The following OLFML1 variants were observed in gnomAD, a reference collection of about 807,000 sequenced individuals.
The protein encoded by OLFML1 is olfactomedin like 1, also known as olfactomedin-like protein 1.
A neutral mutation model predicts 37.3 loss-of-function variants in OLFML1; 33 were observed. The ratio of observed to expected loss-of-function variants is 0.88; its 90% CI spans 0.67 to 1.18. OLFML1 has a LOEUF of 1.18. OLFML1 is among the 50% of genes most tolerant of loss of function. OLFML1 has a pLI of 0.00. For missense variants in OLFML1, 545 were observed against 483.7 expected, an observed-to-expected ratio of 1.13 and a Z score of -1.19; for synonymous variants, 186 against 181.3, an observed-to-expected ratio of 1.03 and a Z score of -0.21.
Position 7,485,848 on chromosome 11 carries a change from G to A in OLFML1, c.-28G>A. On this transcript the variant is annotated 5_prime_UTR_variant, in exon 1 of 3. Coordinates refer to ENST00000329293, the MANE Select transcript of OLFML1 (RefSeq NM_198474.4). The stretch of plus-strand genomic sequence containing the variant: ...ATCCTTGAGAAGAGCCACAGCATAA[G>A]AGACTGCCCTGCTTGGTGTTTTGCA... 1 of 1,610,340 alleles carries A rather than the reference G, an allele frequency of 6.2e-7. No homozygotes were observed. Among genetic ancestry groups the A allele is most frequent in the Non-Finnish European group, 8.5e-7 (1 of 1,178,626 alleles).
Position 7,509,947 on chromosome 11 carries a change from T to A in OLFML1, c.968T>A (p.Leu323Ter), listed in dbSNP as rs771218342. ...CAGGATGCTGAAGCCTCATTCCTCT[T>A]GTGTGGGGTTCTCTATGTGGTCTAC... is the stretch of plus-strand genomic sequence containing the variant. ...RSQDAEASFL[L>*]CGVLYVVYST... The change falls in exon 3 of 3, where the codon TTG becomes TAG. Residue 323 changes from leucine (L) to a stop codon, truncating the protein, a stop_gained. Transcript: ENST00000329293. LOFTEE classifies it high-confidence loss of function. 1 of 1,614,246 alleles carries A rather than the reference T, an allele frequency of 6.2e-7. No individual in the cohort carries two copies. Among genetic ancestry groups the A allele is most frequent in the Non-Finnish European group, 8.5e-7 (1 of 1,180,042 alleles).
chr11:7,496,030 A>G (rs2134180122), intron 2 of OLFML1, among the ~76,000 whole-genome samples: 1 of 152,274 alleles, frequency 6.6e-6, no homozygotes, highest in Non-Finnish European at 1.5e-5. Context: ...TCAAACAACA[A>G]TCGTTTATCA....
At chr11:7,506,441 T>A (rs1415386048) in intron 2 of OLFML1, among the ~76,000 whole-genome samples, 1 of 152,194 alleles carries the variant, frequency 6.6e-6, no homozygotes, top group Non-Finnish European at 1.5e-5. Flanking sequence ...AAAGAGTTCA[T>A]GTCTAATGGT....
chr11:7,498,080 G>C (rs1215766864), intron 2 of OLFML1, among the ~76,000 whole-genome samples: 1 of 152,250 alleles, frequency 6.6e-6, no homozygotes, highest in African/African-American at 2.4e-5. Flanking sequence ...AGTTTGGAGA[G>C]TAAGCAGTAA....
intron 2 of OLFML1, among the ~76,000 whole-genome samples, chr11:7,502,769 C>A (rs558400902): frequency 6.4e-4 from 97 of 152,164 alleles, no homozygotes; most frequent in African/African-American, 2.2e-3. Context: ...CCATGCCTGG[C>A]TAATTTTTGT....
intron 2 of OLFML1, among the ~76,000 whole-genome samples, chr11:7,492,352 G>T (rs956676445): frequency 6.6e-6 from 1 of 152,170 alleles, no homozygotes; most frequent in African/African-American, 2.4e-5. Context: ...GGCTAGGAAG[G>T]CATTGCCAGA....
intron 2 of OLFML1, among the ~76,000 whole-genome samples, chr11:7,491,359 G>A (rs6578868): frequency 0.45 from 67,629 of 151,904 alleles, 15,658 homozygotes; most frequent in African/African-American, 0.55. Flanking sequence ...CAAACATACT[G>A]ACATCTTCTT....
At chr11:7,508,194 G>T (rs7933395) in intron 2 of OLFML1, among the ~76,000 whole-genome samples, 1 of 151,654 alleles carries the variant, frequency 6.6e-6, no homozygotes, top group African/African-American at 2.4e-5. Context: ...CTGAGAAGGA[G>T]GAAAAGAAGG....
At chr11:7,499,033 G>T (rs1848692137) in intron 2 of OLFML1, among the ~76,000 whole-genome samples, 1 of 152,226 alleles carries the variant, frequency 6.6e-6, no homozygotes, top group Non-Finnish European at 1.5e-5. Context: ...CTCAGATTGA[G>T]TGACTCCCAT....
intron 2 of OLFML1, among the ~76,000 whole-genome samples, chr11:7,506,427 G>C (rs1848786244): frequency 6.6e-6 from 1 of 152,110 alleles, no homozygotes; most frequent in South Asian, 2.1e-4. Flanking sequence ...AGGAGAGGAA[G>C]TGAAAAGAGT....
chr11:7,510,217 TG>T lies in OLFML1; in HGVS notation c.*31del, dbSNP rs766191979. 3 of 1,565,338 alleles carry T rather than the reference TG, an allele frequency of 1.9e-6. No homozygotes were observed. Among genetic ancestry groups the T allele is most frequent in the Non-Finnish European group, 2.6e-6 (3 of 1,159,330 alleles). ...ATTACAGCTGTGAGAAAGAGCACTG[TG>T]GCTTTGGCAGCTGTTCTACAGGACA... is the stretch of plus-strand genomic sequence containing the variant. On this transcript the variant is annotated 3_prime_UTR_variant, in exon 3 of 3. Transcript: ENST00000329293.
At chr11:7,498,357 G>A (rs1436993529) in intron 2 of OLFML1, among the ~76,000 whole-genome samples, 1 of 152,126 alleles carries the variant, frequency 6.6e-6, no homozygotes, top group African/African-American at 2.4e-5. Flanking sequence ...TAAAACTTGC[G>A]GGAAGCCATG....
intron 2 of OLFML1, among the ~76,000 whole-genome samples, chr11:7,507,515 G>A (rs1848799594): frequency 6.6e-6 from 1 of 151,312 alleles, no homozygotes; most frequent in African/African-American, 2.4e-5. Context: ...CAGTTGCTAA[G>A]GTTGCTGACC....
intron 2 of OLFML1, among the ~76,000 whole-genome samples, chr11:7,496,069 T>C (rs974280618): frequency 2.6e-5 from 4 of 152,156 alleles, no homozygotes; most frequent in Admixed American, 2.0e-4. Flanking sequence ...GGTGGCTGGG[T>C]AGGCTCACTT....
intron 2 of OLFML1, among the ~76,000 whole-genome samples, chr11:7,489,540 A>G (rs1026585884): frequency 1.1e-4 from 17 of 151,972 alleles, no homozygotes; most frequent in African/African-American, 4.1e-4. Context: ...TGGAGAAACT[A>G]TAGAGAACCA....
rs1396174543 is a variant in OLFML1, at chr11:7,509,501, G to A, written c.522G>A (p.Lys174=). ...WMKDAVYNSP[K]VYLLIGSRNN... ...AAGATGCTGTCTATAACTCTCCAAA[G>A]GTGTACTTATTAATTGGATCCAGAA... Residue 174 remains lysine, a synonymous_variant, in exon 3 of 3, where the codon AAG becomes AAA. Transcript: ENST00000329293. 6.2e-7 allele frequency: 1 copy of A among 1,613,786 alleles called. No individual in the cohort carries two copies. Among genetic ancestry groups the A allele is most frequent in the Non-Finnish European group, 8.5e-7 (1 of 1,179,938 alleles).
intron 1 of OLFML1, 52 bp downstream of exon 1, chr11:7,486,056 T>C (rs1031570116): frequency 2.1e-5 from 32 of 1,559,204 alleles, no homozygotes; most frequent in Non-Finnish European, 2.8e-5. Flanking sequence ...CAGAAGTACC[T>C]TATTTTTACC....
At chr11:7,504,518 T>A (rs772010909) in intron 2 of OLFML1, among the ~76,000 whole-genome samples, 1 of 152,096 alleles carries the variant, frequency 6.6e-6, no homozygotes, top group Non-Finnish European at 1.5e-5. Context: ...GGAATTGGAC[T>A]ATGGGAGGCA....
At chr11:7,495,892 TG>T (rs1554933350) in intron 2 of OLFML1, among the ~76,000 whole-genome samples, 4 of 152,184 alleles carry the variant, frequency 2.6e-5, no homozygotes, top group Non-Finnish European at 5.9e-5. Flanking sequence ...TACAGAAGTA[TG>T]CACCACCCCA....
Sources: gnomAD v4.1 joint callset for allele counts (sites outside exome capture counted in the v4.1 genomes callset) on GRCh38, gnomAD v4.1.1 for gene constraint, MANE v1.5 for transcripts, NCBI Gene and HGNC (gene_info 2026-07-23, HGNC 2026-07-21) for gene names.